Variants in ENOSF1 observed in about 807,000 individuals in gnomAD.
The protein encoded by ENOSF1 is enolase superfamily member 1.
In ENOSF1, 73 loss-of-function variants were observed where a neutral mutation model predicts 68.2. The ratio of observed to expected loss-of-function variants is 1.07; its 90% CI spans 0.89 to 1.30. The LOEUF is 1.30. Among genes scored for constraint, ENOSF1 ranks in the 50% most tolerant of loss-of-function variants. ENOSF1 has a pLI of 0.00. For missense variants in ENOSF1, 589 were observed against 554.5 expected (o/e 1.06, Z -0.62); for synonymous variants, 223 against 210.4 (o/e 1.06, Z -0.52).
At chr18:677,620 G>A in intron 13 of ENOSF1, 123 bp downstream of exon 13, 1 of 1,377,402 alleles carries the variant, frequency 7.3e-7, no homozygotes. Flanking sequence ...CTAAATGAGA[G>A]TTAGAAAAAA....
chr18:684,770 C>T (rs1038333491), intron 10 of ENOSF1, among the ~76,000 whole-genome samples: 1 of 152,026 alleles, frequency 6.6e-6, no homozygotes, highest in African/African-American at 2.4e-5. Flanking sequence ...TCTTATTGTG[C>T]TTGGAGAAAT....
At chr18:704,804 C>G (rs2847606) in intron 2 of ENOSF1, among the ~76,000 whole-genome samples, 70,760 of 151,720 alleles carry the variant, frequency 0.47, 16,790 homozygotes, top group African/African-American at 0.58. Flanking sequence ...CAGGGTTTCA[C>G]CATGTTGACC....
chr18:694,131 G>A, intron 4 of ENOSF1, 117 bp downstream of exon 4: 1 of 1,169,524 alleles, frequency 8.6e-7, no homozygotes, highest in South Asian at 1.5e-5. Context: ...AAACACCAAA[G>A]CAATTATCTG....
intron 9 of ENOSF1, chr18:688,215 A>C (rs1009372306): frequency 2.3e-5 from 5 of 219,122 alleles, no homozygotes; most frequent in South Asian, 1.8e-4. Context: ...CAAAGCCCTC[A>C]AAGAATGGAA....
intron 5 of ENOSF1, chr18:693,191 C>G (rs1379921898): frequency 7.8e-7 from 1 of 1,288,978 alleles, no homozygotes. Flanking sequence ...ATGAAAAGGT[C>G]AAGGAGAAAG....
Position 712,594 on chromosome 18 carries a change from T to TGCGCCCCGTGGCCGCGGCCCCC in ENOSF1, c.-29_-8dup, listed in dbSNP as rs2079731428. The TGCGCCCCGTGGCCGCGGCCCCC allele has an allele frequency of 7.7e-7, 1 of 1,305,944 alleles. No individual in the cohort carries two copies. Among genetic ancestry groups the TGCGCCCCGTGGCCGCGGCCCCC allele is most frequent in the Non-Finnish European group, 1.0e-6 (1 of 1,000,726 alleles). The allele number at this position is 1,305,944 out of a possible 1,614,324, so 80.9% of individuals were successfully genotyped here. Reference sequence around the variant, plus strand: ...AGATCCTGCCGCGCACCATGGCCCCTGCGCCCCGTGGCCGCGGCCCCCGTG... The same window carrying TGCGCCCCGTGGCCGCGGCCCCC: ...AGATCCTGCCGCGCACCATGGCCCCTGCGCCCCGTGGCCGCGGCCCCCGCGCCCCGTGGCCGCGGCCCCCGTG... On this transcript the variant is annotated 5_prime_UTR_variant, in exon 1 of 16. Transcript: ENST00000647584.
At chr18:675,654 C>A in intron 14 of ENOSF1, 1 of 457,296 alleles carries the variant, frequency 2.2e-6, no homozygotes, top group South Asian at 3.6e-5. Flanking sequence ...TTTGTGGTGC[C>A]CTTTAAAAGG....
At chr18:703,376 C>T (rs1179246322) in intron 2 of ENOSF1, among the ~76,000 whole-genome samples, 1 of 95,466 alleles carries the variant, frequency 1.0e-5, no homozygotes, top group African/African-American at 5.4e-5. Flanking sequence ...AGAGTGGGTC[C>T]AATGGCCTAA....
At chr18:692,823 C>T (rs1045407715) in intron 5 of ENOSF1, 6 of 1,050,602 alleles carry the variant, frequency 5.7e-6, no homozygotes, top group African/African-American at 3.4e-5. Context: ...ACGGATGGCC[C>T]GGAAGCCACT....
rs368005709 is a variant in ENOSF1 at position 694,600 on chromosome 18, C to T, written c.310-266G>A. Among the ~76,000 whole-genome samples the T allele has an allele frequency of 1.9e-4, 28 of 150,518 alleles. No individual in the cohort carries two copies. The East Asian group carries it at 2.9e-3, about 16-fold the overall frequency. On this transcript the variant is annotated intron_variant, in intron 3 of 15. Coordinates refer to ENST00000647584, the MANE Select transcript of ENOSF1 (RefSeq NM_017512.7). ...CCAAGATCGCACCACTACACTCCAGCCTGGGCAACAGAGCAAGACTCTGTC... is the reference window on the plus strand; with the variant it reads ...CCAAGATCGCACCACTACACTCCAGTCTGGGCAACAGAGCAAGACTCTGTC...
chr18:711,456 C>T (rs374004819), intron 1 of ENOSF1, among the ~76,000 whole-genome samples: 3 of 152,264 alleles, frequency 2.0e-5, no homozygotes, highest in African/African-American at 7.2e-5. Flanking sequence ...AACCATTTTC[C>T]TAACATTGCC....
At chr18:677,624 G>GA (rs2075647402) in intron 13 of ENOSF1, 119 bp downstream of exon 13, 8 of 1,400,608 alleles carry the variant, frequency 5.7e-6, no homozygotes, top group African/African-American at 1.4e-5. Flanking sequence ...ATGAGAGTTA[G>GA]AAAAAAATCG....
rs1172832240 is a variant in ENOSF1 at position 677,373 on chromosome 18, T to G, written c.1120A>C (p.Ile374Leu). The change falls in exon 14 of 16, where the codon ATA becomes CTA. Residue 374 changes from isoleucine to leucine, a missense_variant. Transcript: ENST00000647584. ...TTTTCAAGGCTTGCAGAAACTGATATGTAGTCAAATATAATCAGGTGCTGC... is the reference window on the plus strand; with the variant it reads ...TTTTCAAGGCTTGCAGAAACTGATAGGTAGTCAAATATAATCAGGTGCTGC... ...LVQHLIIFDY[I>L]SVSASLENRV... 6 of 1,613,790 alleles carry G rather than the reference T, an allele frequency of 3.7e-6. No homozygotes were observed. Among genetic ancestry groups the G allele is most frequent in the Admixed American group, 1.7e-5 (1 of 59,882 alleles).
downstream of ENOSF1, among the ~76,000 whole-genome samples, chr18:667,239 A>T (rs375826741): frequency 0.17 from 2,194 of 13,180 alleles, 282 homozygotes; most frequent in East Asian, 0.3. Flanking sequence ...ATGGAGATGG[A>T]GATGGTGATG....
intron 7 of ENOSF1, 71 bp from the exon 8 acceptor site, chr18:690,702 A>AAGCTGTTTCCCCTGGAGAGCCC: frequency 1.3e-6 from 2 of 1,579,840 alleles, no homozygotes; most frequent in Non-Finnish European, 1.7e-6. Context: ...GCCTGTAGCT[A>AAGCTGTTTCCCCTGGAGAGCCC]AGCTGTTTCC....
intron 6 of ENOSF1, 40 bp downstream of exon 6, chr18:691,164 T>C: frequency 6.2e-7 from 1 of 1,613,370 alleles, no homozygotes; most frequent in Non-Finnish European, 8.5e-7. Context: ...GCCACTACTG[T>C]GTGTGCACGT....
In ENOSF1 at chr18:673,683, C is replaced by A; in HGVS notation, c.*622G>T. 1.3e-5 allele frequency: 2 copies of A among 159,338 alleles called. No individual in the cohort carries two copies. Among genetic ancestry groups the A allele is most frequent in the Non-Finnish European group, 2.7e-5 (2 of 73,736 alleles). 9.9% of individuals were successfully genotyped at this position (159,338 alleles called of 1,614,324 possible). ...TCTCATTTTAACTGCATCTTATCCT[C>A]AAAATATAATGACCATTTAGGATAG... On this transcript the variant is annotated 3_prime_UTR_variant, in exon 16 of 16. Transcript: ENST00000647584.
In ENOSF1 at chr18:697,328, T is replaced by A. The variant is rs747242007; in HGVS notation, c.221A>T (p.His74Leu). 6.2e-7 allele frequency: 1 copy of A among 1,613,920 alleles called. No individual in the cohort carries two copies. Reference sequence around the variant, plus strand: ...CTTGAGGTCCTTGTTGAGCACATGGTGGGCGAGGGCATTCACAGCACAGAC... The same window carrying A: ...CTTGAGGTCCTTGTTGAGCACATGGAGGGCGAGGGCATTCACAGCACAGAC... ...VVVCAVNALA[H>L]HVLNKDLKDI... The change falls in exon 3 of 16, where the codon CAC becomes CTC. Residue 74 changes from histidine to leucine, a missense_variant. Transcript: ENST00000647584.
downstream of ENOSF1, among the ~76,000 whole-genome samples, chr18:667,487 T>A (rs899791245): frequency 1.0e-4 from 3 of 28,992 alleles, no homozygotes; most frequent in African/African-American, 5.8e-4. Context: ...ATGGTGATGG[T>A]GATGGTGATG....
Sources: allele counts gnomAD v4.1 joint callset (sites outside exome capture counted in the v4.1 genomes callset), GRCh38; gene constraint gnomAD v4.1.1; transcripts MANE v1.5; gene names NCBI Gene and HGNC (gene_info 2026-07-23, HGNC 2026-07-21).